Variants in THSD7A observed in about 807,000 individuals in gnomAD.
The protein encoded by THSD7A is thrombospondin type-1 domain-containing protein 7A.
Under a neutral mutation model 231.3 loss-of-function variants are expected in THSD7A, and 96 were observed. The observed-to-expected ratio is 0.41, with a 90% confidence interval of 0.35 to 0.49. The LOEUF is 0.49. Among genes scored for constraint, THSD7A ranks in the 20% least tolerant of loss-of-function variants. The pLI is 0.05. For missense variants in THSD7A, 2,290 were observed against 2,070.2 expected, an observed-to-expected ratio of 1.11 and a Z score of -2.06; for synonymous variants, 940 against 743.3, an observed-to-expected ratio of 1.26 and a Z score of -4.30.
At chr7:11,512,119 G>A (rs1323348175) in intron 6 of THSD7A, among the ~76,000 whole-genome samples, 1 of 152,128 alleles carries the variant, frequency 6.6e-6, no homozygotes, top group African/African-American at 2.4e-5. Context: ...CAAAAAGTAG[G>A]CGAGGGATAT....
At chr7:11,822,184 C>G (rs1784895148) in intron 1 of THSD7A, among the ~76,000 whole-genome samples, 2 of 152,114 alleles carry the variant, frequency 1.3e-5, no homozygotes, top group Non-Finnish European at 2.9e-5. Flanking sequence ...AATTTCTCAT[C>G]ATCCATCCTC....
chr7:11,538,303 G>A (rs890529006), intron 6 of THSD7A, among the ~76,000 whole-genome samples: 6 of 151,970 alleles, frequency 3.9e-5, no homozygotes, highest in East Asian at 1.9e-4. Context: ...GTCAATATTC[G>A]ATATCTGAAA....
At chr7:11,820,621 G>T in intron 1 of THSD7A, 1 of 742,998 alleles carries the variant, frequency 1.3e-6, no homozygotes, top group Non-Finnish European at 2.4e-6. Context: ...GCTTGAAATT[G>T]AAAGTTTCCT....
chr7:11,457,094 A>G (rs1303913142), intron 11 of THSD7A, among the ~76,000 whole-genome samples: 1 of 152,090 alleles, frequency 6.6e-6, no homozygotes, highest in Non-Finnish European at 1.5e-5. Context: ...TTTTATTCAT[A>G]TATATAATAA....
intron 2 of THSD7A, among the ~76,000 whole-genome samples, chr7:11,613,878 C>G (rs1368680597): frequency 6.6e-6 from 1 of 152,130 alleles, no homozygotes; most frequent in African/African-American, 2.4e-5. Context: ...TCAGTGCCAC[C>G]CTTATTCAAG....
intron 4 of THSD7A, among the ~76,000 whole-genome samples, chr7:11,580,491 C>A (rs1341908897): frequency 6.6e-6 from 1 of 152,140 alleles, no homozygotes; most frequent in Admixed American, 6.6e-5. Context: ...AGGCTATAAA[C>A]TTCCTGATGA....
chr7:11,766,711 T>C (rs374438802), intron 1 of THSD7A, among the ~76,000 whole-genome samples: 15 of 152,248 alleles, frequency 9.9e-5, no homozygotes, highest in African/African-American at 1.9e-4. Context: ...TACAGTACAA[T>C]TGACCTGAAT....
chr7:11,650,125 T>C (rs890790907), intron 1 of THSD7A, among the ~76,000 whole-genome samples: 1 of 152,132 alleles, frequency 6.6e-6, no homozygotes, highest in Non-Finnish European at 1.5e-5. Context: ...TCAAAGGCTG[T>C]GTTGATTTCT....
At chr7:11,410,690 T>G (rs1276097302) in intron 19 of THSD7A, among the ~76,000 whole-genome samples, 3 of 152,172 alleles carry the variant, frequency 2.0e-5, no homozygotes, top group African/African-American at 7.2e-5. Context: ...ACCTAGAAGA[T>G]AGTAATGGCT....
At chr7:11,457,076 A>C (rs1429345356) in intron 11 of THSD7A, among the ~76,000 whole-genome samples, 1 of 152,096 alleles carries the variant, frequency 6.6e-6, no homozygotes, top group Non-Finnish European at 1.5e-5. Context: ...ATGATAAGGT[A>C]TAATCGCTTT....
intron 4 of THSD7A, among the ~76,000 whole-genome samples, chr7:11,575,055 T>C (rs1342241263): frequency 6.6e-6 from 1 of 152,212 alleles, no homozygotes; most frequent in African/African-American, 2.4e-5. Flanking sequence ...TATATAATAA[T>C]AGTGCTTACC....
chr7:11,652,853 A>G (rs1246010329), intron 1 of THSD7A, among the ~76,000 whole-genome samples: 1 of 151,984 alleles, frequency 6.6e-6, no homozygotes, highest in Admixed American at 6.6e-5. Context: ...CCTATAATTG[A>G]TAAAAGTCAA....
At chr7:11,789,265 A>T (rs567806982) in intron 1 of THSD7A, among the ~76,000 whole-genome samples, 1 of 152,194 alleles carries the variant, frequency 6.6e-6, no homozygotes, top group South Asian at 2.1e-4. Flanking sequence ...ATGGGCAATC[A>T]ACCTGTCATG....
intron 20 of THSD7A, 26 bp from the exon 21 acceptor site, chr7:11,407,081 C>A: frequency 6.2e-7 from 1 of 1,611,968 alleles, no homozygotes; most frequent in East Asian, 2.2e-5. Context: ...AGTGATGCAC[C>A]TTTAATATAT....
At chr7:11,516,025 C>T (rs190482369) in intron 6 of THSD7A, among the ~76,000 whole-genome samples, 318 of 152,150 alleles carry the variant, frequency 2.1e-3, no homozygotes, top group Middle Eastern at 0.01. Flanking sequence ...AATATGAGAA[C>T]TTTTGGTTGT....
At chr7:11,616,866 A>C (rs181535082) in intron 2 of THSD7A, among the ~76,000 whole-genome samples, 1 of 152,348 alleles carries the variant, frequency 6.6e-6, no homozygotes, top group East Asian at 1.9e-4. Context: ...CGTAACTGTG[A>C]GGCTGTTAAT....
chr7:11,527,638 G>T (rs1583910358), intron 6 of THSD7A, among the ~76,000 whole-genome samples: 1 of 87,752 alleles, frequency 1.1e-5, no homozygotes, highest in African/African-American at 2.7e-5. Context: ...TATAATCTAG[G>T]GGTTTTGCAA....
At chr7:11,625,620 G>T (rs1295532908) in intron 2 of THSD7A, among the ~76,000 whole-genome samples, 5 of 151,930 alleles carry the variant, frequency 3.3e-5, no homozygotes, top group African/African-American at 9.7e-5. Flanking sequence ...GGCCTAAAAA[G>T]AAGAAAATAA....
intron 11 of THSD7A, among the ~76,000 whole-genome samples, chr7:11,458,116 C>T (rs760527847): frequency 1.3e-5 from 2 of 152,032 alleles, no homozygotes; most frequent in Non-Finnish European, 2.9e-5. Context: ...GGACAGAGAG[C>T]AGCTTCTCTA....
Sources: gnomAD v4.1 joint callset for allele counts (sites outside exome capture counted in the v4.1 genomes callset) on GRCh38, gnomAD v4.1.1 for gene constraint, MANE v1.5 for transcripts, NCBI Gene and HGNC (gene_info 2026-07-23, HGNC 2026-07-21) for gene names.